Variants in PPIG observed in about 807,000 individuals in gnomAD.
PPIG encodes peptidyl-prolyl cis-trans isomerase G.
A neutral mutation model predicts 87.9 loss-of-function variants in PPIG; 26 were observed. The ratio of observed to expected loss-of-function variants is 0.30; its 90% CI spans 0.22 to 0.41. The LOEUF (loss-of-function observed/expected upper bound fraction) is 0.41, where lower values mean the gene tolerates loss of function less well. Ranked by LOEUF, PPIG falls within the 10% of genes least tolerant of loss-of-function variation. The probability of loss-of-function intolerance (pLI) is 1.00; values close to 1 mark genes in which losing one functional copy is unlikely to be tolerated. For missense variants in PPIG, 722 were observed against 879.4 expected (o/e 0.82, Z 2.26); for synonymous variants, 308 against 276.5 (o/e 1.11, Z -1.13).
intron 1 of PPIG, among the ~76,000 whole-genome samples, chr2:169,597,479 T>G (rs1685050329): frequency 6.9e-6 from 1 of 144,956 alleles, no homozygotes; most frequent in African/African-American, 2.5e-5. Flanking sequence ...TTTTCTCTCG[T>G]TTTTCTTTTT....
At chr2:169,607,210 C>T in intron 6 of PPIG, 62 bp downstream of exon 6, 1 of 1,060,730 alleles carries the variant, frequency 9.4e-7, no homozygotes, top group Non-Finnish European at 1.4e-6. Context: ...ATTTTATTCT[C>T]TATGGAATCA....
rs759460814 is a variant in PPIG, at chr2:169,614,478, C to G, written c.392C>G (p.Thr131Ser). ...GSQFFITTKPTPHLDGHHVVF... is the reference protein window; with the variant it reads ...GSQFFITTKPSPHLDGHHVVF... ...ATTTCCAAAAGAACAACGAAACCAA[C>G]TCCTCATTTAGATGGGTAAATATTA... is the stretch of plus-strand genomic sequence containing the variant. The change falls in exon 8 of 14, where the codon ACT becomes AGT. Residue 131 changes from threonine (T) to serine (S), a missense_variant. Around this residue, in one of 4 missense-constraint regions of PPIG, gnomAD observed 99 missense variants for 215.8 expected, o/e 0.46. Coordinates refer to ENST00000260970, the MANE Select transcript of PPIG (RefSeq NM_004792.3). 6.4e-7 allele frequency: 1 copy of G among 1,564,890 alleles called. No homozygotes were observed. Among genetic ancestry groups the G allele is most frequent in the South Asian group, 1.2e-5 (1 of 83,956 alleles).
rs1486097163 is a variant in PPIG, at chr2:169,638,611, ACT to A, written c.*1091_*1092del. On this transcript the variant is annotated 3_prime_UTR_variant, in exon 14 of 14. Coordinates refer to ENST00000260970, the MANE Select transcript of PPIG (RefSeq NM_004792.3). ...CACGATAGGCTATAGCATGTTTATG[ACT>A]CTGGTTTCTTTCTCTTCAGGTGGTT... 1 of 151,936 alleles carries A rather than the reference ACT, an allele frequency of 6.6e-6. No homozygotes were observed. The highest frequency in any genetic ancestry group is 1.9e-4 in the East Asian group (1 of 5,166). 9.4% of individuals were successfully genotyped at this position (151,936 alleles called of 1,614,324 possible).
intron 1 of PPIG, among the ~76,000 whole-genome samples, chr2:169,597,954 G>T (rs1463080142): frequency 1.3e-5 from 2 of 150,466 alleles, no homozygotes; most frequent in African/African-American, 4.9e-5. Context: ...TTCTGCCTCA[G>T]CCTTCCTAAG....
intron 1 of PPIG, among the ~76,000 whole-genome samples, chr2:169,596,280 T>C (rs934642207): frequency 2.0e-5 from 3 of 151,622 alleles, no homozygotes; most frequent in African/African-American, 7.3e-5. Context: ...AATTTTTGTA[T>C]TTTTAGTAGA....
At chr2:169,618,437 C>T (rs746365707) in intron 9 of PPIG, among the ~76,000 whole-genome samples, 7 of 152,120 alleles carry the variant, frequency 4.6e-5, no homozygotes, top group Non-Finnish European at 8.8e-5. Flanking sequence ...GGTACCAGCT[C>T]CTCTTTGTAC....
Position 169,637,741 on chromosome 2 carries a change from A to G in PPIG, c.*218A>G, listed in dbSNP as rs56098409. On this transcript the variant is annotated 3_prime_UTR_variant, in exon 14 of 14. Coordinates refer to ENST00000260970, the MANE Select transcript of PPIG (RefSeq NM_004792.3). The stretch of plus-strand genomic sequence containing the variant: ...GTTTTAATAAACTCGACATGAGAAA[A>G]ACACTTTGGTGTAGTACTGTGTGCT... 8.5e-5 allele frequency: 41 copies of G among 483,354 alleles called. No individual in the cohort carries two copies. The highest frequency in any genetic ancestry group is 1.1e-3 in the Middle Eastern group (2 of 1,786). The allele number at this position is 483,354 out of a possible 1,614,324, so 29.9% of individuals were successfully genotyped here.
intron 7 of PPIG, among the ~76,000 whole-genome samples, chr2:169,611,720 C>G (rs1685493801): frequency 6.6e-6 from 1 of 152,126 alleles, no homozygotes; most frequent in South Asian, 2.1e-4. Flanking sequence ...CTTTCCTGCA[C>G]TAACCAAAAC....
In PPIG at chr2:169,630,821, T is replaced by TAC. The variant is rs1686027442; in HGVS notation, c.595_596insAC (p.Ser199TyrfsTer89). 1 of 1,611,798 alleles carries TAC rather than the reference T, an allele frequency of 6.2e-7. No individual in the cohort carries two copies. Among genetic ancestry groups the TAC allele is most frequent in the Non-Finnish European group, 8.5e-7 (1 of 1,179,334 alleles). ...GCATAAATCATCATCATCTTCCTCC[T>TAC]CCTCATCTAGTGACTCAGATAGCTC... On this transcript the variant is annotated frameshift_variant, in exon 10 of 14. Transcript: ENST00000260970. LOFTEE classifies it high-confidence loss of function.
rs149243232 is a variant in PPIG, at chr2:169,591,026, C to G, written c.-70+6536C>G. On this transcript the variant is annotated intron_variant, in intron 1 of 13. Transcript: ENST00000260970. ...TGTCTCTAAAAATAGAAATAATTTA[C>G]TTTGTATTTTTTCTAGATTAGAAAC... 3.3e-5 allele frequency among the ~76,000 whole-genome samples: 5 copies of G among 152,092 alleles called. No individual in the cohort carries two copies. The East Asian group carries it at 9.7e-4, about 29-fold the overall frequency.
intron 12 of PPIG, among the ~76,000 whole-genome samples, chr2:169,634,843 A>AT (rs567044368): frequency 2.5e-3 from 381 of 152,230 alleles, no homozygotes; most frequent in Admixed American, 6.0e-3. Context: ...ATAGTTCTCA[A>AT]TTTTTTTAAA....
intron 9 of PPIG, among the ~76,000 whole-genome samples, chr2:169,630,178 C>A (rs962113712): frequency 2.0e-5 from 3 of 151,258 alleles, no homozygotes; most frequent in African/African-American, 7.3e-5. Context: ...TTACTGCTTC[C>A]TTAACTGAAA....
In PPIG at chr2:169,618,639, G is replaced by A. The variant is rs113781126; in HGVS notation, c.547+3915G>A. On this transcript the variant is annotated intron_variant, in intron 9 of 13. Transcript: ENST00000260970. The stretch of plus-strand genomic sequence containing the variant: ...CTTCTAGATTTTCTAGTGTATTTGT[G>A]TAGAGGTGTTCATAGTATTCTCTGA... Among the ~76,000 whole-genome samples, 880 of 152,248 alleles carry A rather than the reference G, an allele frequency of 5.8e-3. 12 individuals carry two copies. Among genetic ancestry groups the A allele is most frequent in the African/African-American group, 0.02 (836 of 41,562 alleles).
At chr2:169,632,903 G>T (rs1184770104) in intron 11 of PPIG, among the ~76,000 whole-genome samples, 2 of 151,240 alleles carry the variant, frequency 1.3e-5, no homozygotes, top group Non-Finnish European at 2.9e-5. Flanking sequence ...ACTTTGGGAG[G>T]CCAAGGTGGG....
intron 1 of PPIG, among the ~76,000 whole-genome samples, chr2:169,585,270 C>CTTTTTTT (rs1553542345): frequency 1.7e-5 from 2 of 118,758 alleles, no homozygotes; most frequent in Non-Finnish European, 1.7e-5. Context: ...CTTGGTTAGT[C>CTTTTTTT]TTTTTTTTTG....
Position 169,631,819 on chromosome 2 carries a change from T to TCCGTCCAGAA in PPIG, c.816_825dup (p.Glu276ProfsTer10). The TCCGTCCAGAA allele has an allele frequency of 6.2e-7, 1 of 1,613,738 alleles. No individual in the cohort carries two copies. The highest frequency in any genetic ancestry group is 8.5e-7 in the Non-Finnish European group (1 of 1,179,764). On this transcript the variant is annotated frameshift_variant, in exon 11 of 14. Transcript: ENST00000260970. LOFTEE classifies it high-confidence loss of function. Reference sequence around the variant, plus strand: ...CTTGAAGCACAACCCCAGTCTACTGTCCGTCCAGAAGAGATCCCTCCTATA... The same window carrying TCCGTCCAGAA: ...CTTGAAGCACAACCCCAGTCTACTGTCCGTCCAGAACCGTCCAGAAGAGATCCCTCCTATA...
At chr2:169,595,722 T>G (rs1052125302) in intron 1 of PPIG, among the ~76,000 whole-genome samples, 6 of 152,230 alleles carry the variant, frequency 3.9e-5, no homozygotes, top group African/African-American at 1.4e-4. Flanking sequence ...TCCATCCATG[T>G]TGTTACAAAT....
At chr2:169,593,888 C>G (rs1684941663) in intron 1 of PPIG, among the ~76,000 whole-genome samples, 1 of 151,232 alleles carries the variant, frequency 6.6e-6, no homozygotes, top group Non-Finnish European at 1.5e-5. Flanking sequence ...ATCTCCTGAC[C>G]TTGTGATCTG....
chr2:169,590,509 G>A (rs1684836678), intron 1 of PPIG, among the ~76,000 whole-genome samples: 1 of 152,088 alleles, frequency 6.6e-6, no homozygotes, highest in East Asian at 1.9e-4. Context: ...GGGCGTGGTG[G>A]CGGGTGCCTG....
Sources: gnomAD v4.1 joint callset for allele counts (sites outside exome capture counted in the v4.1 genomes callset) on GRCh38, gnomAD v4.1.1 for gene constraint, gnomAD v4.1.1 regional missense constraint, MANE v1.5 for transcripts, NCBI Gene and HGNC (gene_info 2026-07-23, HGNC 2026-07-21) for gene names.